Variants in FMNL3 observed in about 807,000 individuals in gnomAD.
FMNL3 encodes formin-like protein 3.
A neutral mutation model predicts 119.6 loss-of-function variants in FMNL3; 57 were observed. The observed-to-expected ratio is 0.48, with a 90% CI of 0.39 to 0.59. FMNL3 has a LOEUF of 0.59. Ranked by LOEUF, FMNL3 falls within the 20% of genes least tolerant of loss-of-function variation. The probability of loss-of-function intolerance (pLI) is 0.00; values close to 1 mark genes in which losing one functional copy is unlikely to be tolerated. For synonymous variants in FMNL3, 491 were observed against 507.3 expected, an observed-to-expected ratio of 0.97 and a Z score of 0.43; for missense variants, 1,053 against 1,323.5, an observed-to-expected ratio of 0.80 and a Z score of 3.17.
intron 1 of FMNL3, among the ~76,000 whole-genome samples, chr12:49,676,476 C>T (rs1487398342): frequency 1.3e-5 from 2 of 149,340 alleles, no homozygotes; most frequent in African/African-American, 2.5e-5. Context: ...TACCAGGACA[C>T]TGATACCATG....
chr12:49,665,783 C>T (rs1943874279), intron 4 of FMNL3, 49 bp downstream of exon 4: 1 of 1,571,854 alleles, frequency 6.4e-7, no homozygotes, highest in Non-Finnish European at 8.8e-7. Context: ...GTGTGCCCAG[C>T]CAGCAGCCTG....
At position 49,651,354 on chromosome 12, in the gene FMNL3, C is replaced by G. The variant is rs199901389; in HGVS notation, c.1672+28G>C. 373 of 1,589,698 alleles carry G rather than the reference C, an allele frequency of 2.3e-4. No individual in the cohort carries two copies. In the African/African-American group the frequency reaches 4.3e-3, roughly 18 times the overall value. On this transcript the variant is annotated intron_variant, in intron 15 of 25. Transcript: ENST00000335154. ...GGACACACACCCCTGGTCCCACCAG[C>G]CCTGCCCAGAGCCCTGGGGATACTC...
At chr12:49,696,635 G>A (rs1342296756) in intron 1 of FMNL3, among the ~76,000 whole-genome samples, 1 of 152,228 alleles carries the variant, frequency 6.6e-6, no homozygotes, top group Non-Finnish European at 1.5e-5. Context: ...AGGGCCAGCT[G>A]TACATCCTAT....
intron 1 of FMNL3, among the ~76,000 whole-genome samples, chr12:49,702,531 T>C (rs1414552845): frequency 3.3e-5 from 5 of 152,172 alleles, no homozygotes; most frequent in Non-Finnish European, 7.3e-5. Flanking sequence ...GAATAAGTAT[T>C]ACTTTAAGAG....
At chr12:49,693,875 C>T (rs916604474) in intron 1 of FMNL3, among the ~76,000 whole-genome samples, 2 of 151,450 alleles carry the variant, frequency 1.3e-5, no homozygotes, top group Non-Finnish European at 2.9e-5. Context: ...CTCAAACTCC[C>T]GACCTCAGGT....
intron 1 of FMNL3, among the ~76,000 whole-genome samples, chr12:49,691,567 G>C (rs1944601259): frequency 6.6e-6 from 1 of 152,198 alleles, no homozygotes; most frequent in Non-Finnish European, 1.5e-5. Context: ...TACAGCTTCA[G>C]CGCAAAAGAG....
chr12:49,651,072 C>A, intron 16 of FMNL3, 96 bp downstream of exon 16: 1 of 1,562,270 alleles, frequency 6.4e-7, no homozygotes, highest in Non-Finnish European at 8.7e-7. Context: ...CCTGGCCTCA[C>A]CCTGTCTGAT....
At chr12:49,659,589 T>C in intron 5 of FMNL3, among the ~76,000 whole-genome samples, 1 of 151,990 alleles carries the variant, frequency 6.6e-6, no homozygotes, top group East Asian at 1.9e-4. Flanking sequence ...TTTTTAAAAT[T>C]TTCTTGTAGA....
chr12:49,677,655 G>A (rs899847106), intron 1 of FMNL3, among the ~76,000 whole-genome samples: 2 of 152,144 alleles, frequency 1.3e-5, no homozygotes, highest in African/African-American at 4.8e-5. Context: ...AGAATTTGGC[G>A]ATATCAAAAT....
At chr12:49,669,525 A>G (rs1011607025) in intron 1 of FMNL3, among the ~76,000 whole-genome samples, 2 of 152,182 alleles carry the variant, frequency 1.3e-5, no homozygotes, top group Non-Finnish European at 2.9e-5. Flanking sequence ...TCCAGGTCAC[A>G]GCCCTTACCT....
intron 1 of FMNL3, among the ~76,000 whole-genome samples, chr12:49,683,186 A>C (rs548291934): frequency 3.9e-5 from 6 of 152,284 alleles, no homozygotes; most frequent in African/African-American, 1.4e-4. Flanking sequence ...GTGAGACTGG[A>C]GAAAAGCTCA....
chr12:49,698,546 C>T (rs1944816954), intron 1 of FMNL3, among the ~76,000 whole-genome samples: 1 of 151,226 alleles, frequency 6.6e-6, no homozygotes, highest in Non-Finnish European at 1.5e-5. Context: ...ACACCCTATC[C>T]ATGTCCTCCC....
chr12:49,686,978 C>T (rs1233516177), intron 1 of FMNL3, among the ~76,000 whole-genome samples: 2 of 152,134 alleles, frequency 1.3e-5, no homozygotes, highest in African/African-American at 2.4e-5. Flanking sequence ...GCCCCTTCCT[C>T]GGAGACACAC....
intron 12 of FMNL3, 49 bp downstream of exon 12, chr12:49,653,676 T>C: frequency 6.2e-7 from 1 of 1,608,800 alleles, no homozygotes; most frequent in Middle Eastern, 1.7e-4. Context: ...TCCTGGTTAC[T>C]TGAGCTTCCA....
Position 49,651,432 on chromosome 12 carries a change from G to A in FMNL3, c.1622C>T (p.Pro541Leu). 6.7e-7 allele frequency: 1 copy of A among 1,484,454 alleles called. No individual in the cohort carries two copies. Among genetic ancestry groups the A allele is most frequent in the Non-Finnish European group, 9.0e-7 (1 of 1,113,436 alleles). 92.0% of individuals were successfully genotyped at this position (1,484,454 alleles called of 1,614,324 possible). Residue 541 changes from proline (P) to leucine (L), a missense_variant, in exon 15 of 26, where the codon CCA becomes CTA. Around this residue, in one of 4 missense-constraint regions of FMNL3, gnomAD observed 445 missense variants for 628.4 expected, o/e 0.71. Coordinates refer to ENST00000335154, the MANE Select transcript of FMNL3 (RefSeq NM_175736.5). The stretch of plus-strand genomic sequence containing the variant: ...AGAGGGTGCAGCACCAGGGAGAGGT[G>A]GGGCTGGGGGACACTTGTCTGGGGG... The part of the protein sequence containing the change: ...PPLPDKCPPA[P>L]PLPGAAPSVV...
chr12:49,697,397 C>A (rs1384917994), intron 1 of FMNL3, among the ~76,000 whole-genome samples: 3 of 152,164 alleles, frequency 2.0e-5, no homozygotes, highest in Non-Finnish European at 4.4e-5. Context: ...TCAATTGGTA[C>A]ACAGGACAAA....
intron 6 of FMNL3, 64 bp downstream of exon 6, chr12:49,658,378 G>C: frequency 2.0e-6 from 3 of 1,517,976 alleles, no homozygotes; most frequent in Non-Finnish European, 2.6e-6. Flanking sequence ...ACTCACTGCT[G>C]AACCCGAGAC....
At chr12:49,670,352 C>G (rs911250672) in intron 1 of FMNL3, among the ~76,000 whole-genome samples, 4 of 152,162 alleles carry the variant, frequency 2.6e-5, no homozygotes, top group African/African-American at 9.7e-5. Flanking sequence ...ACTCCTAAAC[C>G]AGCTGTATAC....
intron 17 of FMNL3, 72 bp downstream of exon 17, chr12:49,650,604 A>G: frequency 6.4e-7 from 1 of 1,557,270 alleles, no homozygotes; most frequent in South Asian, 1.1e-5. Flanking sequence ...ATCTAGGGAA[A>G]CCCAGGCTCC....
Sources: gnomAD v4.1 joint callset for allele counts (sites outside exome capture counted in the v4.1 genomes callset) on GRCh38, gnomAD v4.1.1 for gene constraint, gnomAD v4.1.1 regional missense constraint, MANE v1.5 for transcripts, NCBI Gene and HGNC (gene_info 2026-07-23, HGNC 2026-07-21) for gene names.